CPLX2: variants seen among roughly 807,000 people sequenced by gnomAD.
CPLX2 encodes complexin-2.
Under a neutral mutation model 16.3 loss-of-function variants are expected in CPLX2, and 5 were observed. The observed-to-expected ratio is 0.31, with a 90% CI of 0.16 to 0.64. CPLX2 has a LOEUF of 0.64. CPLX2 is among the 30% of genes least tolerant of loss of function. The pLI is 0.79. For missense variants in CPLX2, 144 were observed against 181.4 expected (o/e 0.79, Z 1.18); for synonymous variants, 89 against 73.2 (o/e 1.22, Z -1.10).
chr5:175,878,896 C>G lies in CPLX2; in HGVS notation c.32-12C>G, dbSNP rs1238326997. ...CTGACCCCGCCCTCTCCTTCCCACC[C>G]CTTCCTCGTAGGGGCCACAAAGGAC... On this transcript the variant is annotated splice_polypyrimidine_tract_variant and intron_variant, in intron 2 of 3. Transcript: ENST00000393745. The G allele has an allele frequency of 4.3e-6, 7 of 1,612,112 alleles. No individual in the cohort carries two copies. The highest frequency in any genetic ancestry group is 5.9e-6 in the Non-Finnish European group (7 of 1,179,134).
At chr5:175,839,033 A>T (rs1346817623) in intron 2 of CPLX2, among the ~76,000 whole-genome samples, 5 of 152,122 alleles carry the variant, frequency 3.3e-5, no homozygotes, top group African/African-American at 4.8e-5. Context: ...CAACAAACCC[A>T]GTGTAATGCT....
intron 2 of CPLX2, among the ~76,000 whole-genome samples, chr5:175,844,200 C>T (rs559824776): frequency 5.9e-5 from 9 of 152,346 alleles, no homozygotes; most frequent in Admixed American, 2.6e-4. Flanking sequence ...CCAAGGAACA[C>T]GCCAAGAGGA....
chr5:175,873,625 G>A (rs775630581), intron 1 of CPLX2, among the ~76,000 whole-genome samples: 11 of 152,190 alleles, frequency 7.2e-5, no homozygotes, highest in Non-Finnish European at 1.5e-4. Context: ...AAGGAGATCC[G>A]TGAAATTGCA....
Position 175,832,415 on chromosome 5 carries a change from G to T in CPLX2, c.-89+23347G>T, listed in dbSNP as rs531237497. On this transcript the variant is annotated intron_variant, in intron 2 of 4. Coordinates refer to the CPLX2 transcript ENST00000359546. ...GCACACAGTGCTGAGAGCCAAACCAGCTCCGTGTGATGAGTGTGGGTTCTT... is the reference window on the plus strand; with the variant it reads ...GCACACAGTGCTGAGAGCCAAACCATCTCCGTGTGATGAGTGTGGGTTCTT... Among the ~76,000 whole-genome samples, 3 of 152,354 alleles carry T rather than the reference G, an allele frequency of 2.0e-5. No homozygotes were observed. In the South Asian group the frequency reaches 6.2e-4, roughly 32 times the overall value.
intron 2 of CPLX2, among the ~76,000 whole-genome samples, chr5:175,850,533 G>A (rs1457266343): frequency 1.3e-5 from 2 of 152,164 alleles, no homozygotes; most frequent in Non-Finnish European, 2.9e-5. Context: ...CCCCCTTGAT[G>A]TTCCACATCA....
At chr5:175,814,569 C>T (rs1386340179) in intron 2 of CPLX2, among the ~76,000 whole-genome samples, 3 of 152,184 alleles carry the variant, frequency 2.0e-5, no homozygotes, top group Non-Finnish European at 4.4e-5. Context: ...AGGTGTGAAC[C>T]TCAACAGTTC....
At chr5:175,874,008 G>C (rs1759698280) in intron 1 of CPLX2, among the ~76,000 whole-genome samples, 1 of 152,216 alleles carries the variant, frequency 6.6e-6, no homozygotes, top group Non-Finnish European at 1.5e-5. Context: ...CTGTGCAAGA[G>C]GTGGCACACG....
In CPLX2 at chr5:175,878,693, A is replaced by C. The variant is rs376177178; in HGVS notation, c.-47A>C. The C allele has an allele frequency of 1.2e-4, 197 of 1,607,216 alleles. No individual in the cohort carries two copies. Among genetic ancestry groups the C allele is most frequent in the Non-Finnish European group, 1.4e-4 (167 of 1,177,298 alleles). On this transcript the variant is annotated 5_prime_UTR_variant, in exon 2 of 4. The change abolishes an upstream ATG in the 5' untranslated region. Coordinates refer to ENST00000393745, the MANE Select transcript of CPLX2 (RefSeq NM_001008220.2). ...AAGCCAGGCCAGCCAGGAGCGCTGCATGCAAATTCTGCCGTGGGCTAAGGC... is the reference window on the plus strand; with the variant it reads ...AAGCCAGGCCAGCCAGGAGCGCTGCCTGCAAATTCTGCCGTGGGCTAAGGC...
At chr5:175,850,973 C>CAA (rs3051192) in intron 2 of CPLX2, among the ~76,000 whole-genome samples, 122,446 of 151,192 alleles carry the variant, frequency 0.81, 49,820 homozygotes, top group East Asian at 0.96. Context: ...GGCAGAGAGA[C>CAA]GAGATCTCAG....
At chr5:175,868,693 C>A (rs1759523608), upstream of CPLX2, among the ~76,000 whole-genome samples, 1 of 150,784 alleles carries the variant, frequency 6.6e-6, no homozygotes, top group Non-Finnish European at 1.5e-5. Flanking sequence ...GAATTCGTGG[C>A]AGGTTTTTTT....
At chr5:175,802,688 C>T (rs1370044375) in intron 1 of CPLX2, among the ~76,000 whole-genome samples, 1 of 152,208 alleles carries the variant, frequency 6.6e-6, no homozygotes, top group African/African-American at 2.4e-5. Flanking sequence ...AGCCCTGACC[C>T]TTCCTAGCTG....
chr5:175,844,120 T>C (rs1758998567), intron 2 of CPLX2, among the ~76,000 whole-genome samples: 1 of 152,210 alleles, frequency 6.6e-6, no homozygotes. Flanking sequence ...TTCTGTGCAA[T>C]GCTATCTAGG....
At chr5:175,875,514 T>C (rs888474399) in intron 1 of CPLX2, among the ~76,000 whole-genome samples, 3 of 152,226 alleles carry the variant, frequency 2.0e-5, no homozygotes, top group South Asian at 4.1e-4. Flanking sequence ...CAAAGTGCCA[T>C]TATAATTCTC....
chr5:175,808,972 CCT>C (rs1394409819), intron 1 of CPLX2: 1 of 152,440 alleles, frequency 6.6e-6, no homozygotes, highest in Non-Finnish European at 1.5e-5. Flanking sequence ...CCCTCAACCT[CCT>C]CTCTCCTCCT....
upstream of CPLX2, among the ~76,000 whole-genome samples, chr5:175,868,170 C>A (rs1400147366): frequency 1.3e-5 from 2 of 152,212 alleles, no homozygotes; most frequent in East Asian, 3.9e-4. Context: ...AGAGCTGGTG[C>A]CTGGCATTTC....
At position 175,876,215 on chromosome 5, in the gene CPLX2, T is replaced by C. The variant is rs112085361; in HGVS notation, c.-88-2437T>C. On this transcript the variant is annotated intron_variant, in intron 1 of 3. Transcript: ENST00000393745. ...AAGGCTTTGTCTGTCCTGTTTCCTA[T>C]AAATCCCCAGTGCCTAACACATTGA... is the stretch of plus-strand genomic sequence containing the variant. 2.0e-3 allele frequency among the ~76,000 whole-genome samples: 312 copies of C among 152,320 alleles called. 1 individual carries two copies. The highest frequency in any genetic ancestry group is 7.2e-3 in the African/African-American group (301 of 41,566).
intron 2 of CPLX2, among the ~76,000 whole-genome samples, chr5:175,831,496 C>T (rs185848966): frequency 1.3e-5 from 2 of 152,340 alleles, no homozygotes; most frequent in African/African-American, 2.4e-5. Context: ...CCCATCTTCT[C>T]CCTGGGCTTT....
chr5:175,797,086 G>A (rs1757996705), intron 1 of CPLX2, among the ~76,000 whole-genome samples: 1 of 152,124 alleles, frequency 6.6e-6, no homozygotes, highest in African/African-American at 2.4e-5. Flanking sequence ...CGCACCCTCC[G>A]CCCTGGTTCC....
intron 2 of CPLX2, among the ~76,000 whole-genome samples, chr5:175,828,886 G>C (rs895142493): frequency 2.0e-5 from 3 of 152,182 alleles, no homozygotes; most frequent in African/African-American, 7.2e-5. Flanking sequence ...TCTGTTCCTA[G>C]AGAGGCTGTG....
Sources: allele counts gnomAD v4.1 joint callset (sites outside exome capture counted in the v4.1 genomes callset), GRCh38; gene constraint gnomAD v4.1.1; transcripts MANE v1.5; gene names NCBI Gene and HGNC (gene_info 2026-07-23, HGNC 2026-07-21).